ADGRL3: variants seen among roughly 807,000 people sequenced by gnomAD.
ADGRL3 encodes the protein adhesion G protein-coupled receptor L3.
Under a neutral mutation model 153.5 loss-of-function variants are expected in ADGRL3, and 62 were observed. That is an observed-to-expected ratio of 0.40 (90% CI 0.33 to 0.50). The LOEUF is 0.50. Among genes scored for constraint, ADGRL3 ranks in the 20% least tolerant of loss-of-function variants. The pLI is 0.47. For synonymous variants in ADGRL3, 710 were observed against 672.5 expected (o/e 1.06, Z -0.86); for missense variants, 1,641 against 1,859.4 (o/e 0.88, Z 2.16).
chr4:61,489,747 C>G (rs543868762), intron 2 of ADGRL3, among the ~76,000 whole-genome samples: 3 of 152,050 alleles, frequency 2.0e-5, no homozygotes, highest in South Asian at 4.1e-4. Flanking sequence ...TCAGGCTCCT[C>G]ATATCAAACC....
chr4:61,962,311 T>A (rs2098990959), intron 17 of ADGRL3, among the ~76,000 whole-genome samples: 1 of 152,178 alleles, frequency 6.6e-6, no homozygotes, highest in African/African-American at 2.4e-5. Flanking sequence ...AGCAATTATA[T>A]TTTAAGAACA....
intron 2 of ADGRL3, among the ~76,000 whole-genome samples, chr4:61,404,835 A>G (rs1303700204): frequency 6.6e-6 from 1 of 152,040 alleles, no homozygotes; most frequent in Admixed American, 6.6e-5. Context: ...AATGGCTTAG[A>G]TGTAAAGCTT....
At chr4:61,970,853 A>G (rs1419367433) in intron 17 of ADGRL3, among the ~76,000 whole-genome samples, 1 of 152,118 alleles carries the variant, frequency 6.6e-6, no homozygotes, top group East Asian at 1.9e-4. Context: ...TCACTTTCCC[A>G]AGAGCTTGTG....
intron 5 of ADGRL3, among the ~76,000 whole-genome samples, chr4:61,595,554 T>A (rs1487843586): frequency 6.6e-6 from 1 of 152,156 alleles, no homozygotes; most frequent in Non-Finnish European, 1.5e-5. Context: ...AAGTCCTTTT[T>A]CTTCTTCACT....
intron 1 of ADGRL3, among the ~76,000 whole-genome samples, chr4:61,239,955 G>A (rs930640568): frequency 3.3e-5 from 5 of 152,048 alleles, no homozygotes; most frequent in Non-Finnish European, 7.4e-5. Flanking sequence ...TGATTATTTG[G>A]CAATAACTTC....
chr4:61,331,836 G>A (rs1165407359), intron 1 of ADGRL3, among the ~76,000 whole-genome samples: 1 of 152,064 alleles, frequency 6.6e-6, no homozygotes, highest in East Asian at 1.9e-4. Context: ...ATAAATGCAT[G>A]CATTGTCATT....
At chr4:61,208,343 A>T (rs1738293845) in intron 1 of ADGRL3, among the ~76,000 whole-genome samples, 1 of 152,186 alleles carries the variant, frequency 6.6e-6, no homozygotes, top group African/African-American at 2.4e-5. Flanking sequence ...ATTGTACCAA[A>T]TTCACAGAAG....
At chr4:61,703,610 GAA>G (rs147140844) in intron 6 of ADGRL3, among the ~76,000 whole-genome samples, 1 of 146,490 alleles carries the variant, frequency 6.8e-6, no homozygotes, top group African/African-American at 2.5e-5. Flanking sequence ...TAAGATTTTA[GAA>G]AAAAAAAAGA....
At chr4:61,849,878 A>G (rs2098180834) in intron 9 of ADGRL3, among the ~76,000 whole-genome samples, 1 of 152,128 alleles carries the variant, frequency 6.6e-6, no homozygotes, top group South Asian at 2.1e-4. Flanking sequence ...TGCCATGGGT[A>G]TTTTAGGTAT....
intron 5 of ADGRL3, among the ~76,000 whole-genome samples, chr4:61,661,492 G>A (rs2094592293): frequency 6.6e-6 from 1 of 151,894 alleles, no homozygotes; most frequent in Admixed American, 6.6e-5. Context: ...TAACATATGT[G>A]AATAATAAAG....
At chr4:61,680,083 G>C (rs2095300850) in intron 6 of ADGRL3, among the ~76,000 whole-genome samples, 2 of 152,006 alleles carry the variant, frequency 1.3e-5, no homozygotes, top group South Asian at 2.1e-4. Flanking sequence ...TTAGAATGAG[G>C]CTCCTAAGTA....
intron 4 of ADGRL3, among the ~76,000 whole-genome samples, chr4:61,532,699 T>G (rs2152961804): frequency 6.6e-6 from 1 of 151,030 alleles, no homozygotes; most frequent in African/African-American, 2.4e-5. Flanking sequence ...TTCAGTGGCC[T>G]CAAATACAGA....
At chr4:61,631,104 CTCTTTTACAATACTG>C (rs1281601645) in intron 5 of ADGRL3, among the ~76,000 whole-genome samples, 12 of 152,070 alleles carry the variant, frequency 7.9e-5, no homozygotes, top group African/African-American at 2.7e-4. Context: ...CTCTTTTGTA[CTCTTTTACAATACTG>C]TCAAAGGTTT....
Position 61,355,546 on chromosome 4 carries a change from C to G in ADGRL3, c.-239-27578C>G, listed in dbSNP as rs573375108. On this transcript the variant is annotated intron_variant, in intron 1 of 26. Coordinates refer to ENST00000683033, the MANE Select transcript of ADGRL3 (RefSeq NM_001387552.1). ...TCAAAATATGGAAACCTGCACTTTA[C>G]CTATCTTTCTAAAAGTGACCATTTG... Among the ~76,000 whole-genome samples the G allele has an allele frequency of 2.1e-4, 32 of 152,154 alleles. No homozygotes were observed. The East Asian group carries it at 6.0e-3, about 29-fold the overall frequency.
chr4:61,475,846 C>T (rs534720805), intron 2 of ADGRL3, among the ~76,000 whole-genome samples: 1 of 152,232 alleles, frequency 6.6e-6, no homozygotes, highest in Admixed American at 6.5e-5. Flanking sequence ...CACTGTTAAG[C>T]GTATGTGTAG....
At chr4:61,457,896 A>AGATG (rs2097771959) in intron 2 of ADGRL3, among the ~76,000 whole-genome samples, 1 of 151,136 alleles carries the variant, frequency 6.6e-6, no homozygotes, top group Non-Finnish European at 1.5e-5. Context: ...ATAGATAGAT[A>AGATG]GATAGATGCA....
intron 25 of ADGRL3, among the ~76,000 whole-genome samples, chr4:62,045,340 A>G (rs933571516): frequency 6.6e-6 from 1 of 152,026 alleles, no homozygotes; most frequent in Non-Finnish European, 1.5e-5. Flanking sequence ...GTGGAGACCA[A>G]GAGGCTACTA....
At position 62,006,030 on chromosome 4, in the gene ADGRL3, A is replaced by ATT. The variant is rs1345713033; in HGVS notation, c.3395+7766_3395+7767insTT. 3.7e-4 allele frequency among the ~76,000 whole-genome samples: 30 copies of ATT among 80,254 alleles called. 2 individuals carry two copies. Among genetic ancestry groups the ATT allele is most frequent in the South Asian group, 2.6e-3 (6 of 2,276 alleles). 52.6% of individuals were successfully genotyped at this position (80,254 alleles called of 152,430 possible). A position where few individuals can be genotyped will look rare whatever the true frequency, so the allele number is the denominator to read the frequency against. On this transcript the variant is annotated intron_variant, in intron 21 of 26. Transcript: ENST00000683033. ...TATATATATATATATATATATATAT[A>ATT]TATTTTTTTTTTTTTTTGAGAAAGG...
chr4:61,948,850 A>G (rs1309285929), intron 17 of ADGRL3, among the ~76,000 whole-genome samples: 1 of 152,138 alleles, frequency 6.6e-6, no homozygotes, highest in African/African-American at 2.4e-5. Context: ...ATTTCCTCCC[A>G]GTGTGACTAG....
Sources: allele counts gnomAD v4.1 joint callset (sites outside exome capture counted in the v4.1 genomes callset), GRCh38; gene constraint gnomAD v4.1.1; transcripts MANE v1.5; gene names NCBI Gene and HGNC (gene_info 2026-07-23, HGNC 2026-07-21).